Variants in SSBP2 observed in about 807,000 individuals in gnomAD.
The protein encoded by SSBP2 is single stranded DNA binding protein 2.
Under a neutral mutation model 61.8 loss-of-function variants are expected in SSBP2, and 17 were observed. The observed-to-expected ratio is 0.28, with a 90% CI of 0.19 to 0.41. SSBP2 has a LOEUF of 0.41. SSBP2 is among the 10% of genes least tolerant of loss of function. SSBP2 has a pLI of 1.00. For missense variants in SSBP2, 310 were observed against 458.7 expected, an observed-to-expected ratio of 0.68 and a Z score of 2.96; for synonymous variants, 139 against 141.3, an observed-to-expected ratio of 0.98 and a Z score of 0.12.
Position 81,514,300 on chromosome 5 carries a change from G to A in SSBP2, c.283-583C>T, listed in dbSNP as rs945874197. ...AAAGTAAATAAGGGATTGAATAGGA[G>A]AAATAAATTAGATTTGGAGAGAATA... On this transcript the variant is annotated intron_variant, in intron 4 of 16. Coordinates refer to ENST00000320672, the MANE Select transcript of SSBP2 (RefSeq NM_012446.5). Among the ~76,000 whole-genome samples the A allele has an allele frequency of 5.7e-4, 86 of 151,110 alleles. 1 individual carries two copies. Among genetic ancestry groups the A allele is most frequent in the Middle Eastern group, 3.4e-3 (1 of 292 alleles).
At chr5:81,623,701 G>A (rs1431204870) in intron 3 of SSBP2, among the ~76,000 whole-genome samples, 1 of 152,030 alleles carries the variant, frequency 6.6e-6, no homozygotes, top group Non-Finnish European at 1.5e-5. Context: ...TTGATTTATT[G>A]TTGGCGTATG....
chr5:81,479,570 G>A (rs1248627559), intron 6 of SSBP2, among the ~76,000 whole-genome samples: 2 of 151,976 alleles, frequency 1.3e-5, no homozygotes, highest in Non-Finnish European at 2.9e-5. Context: ...TCGGATTATA[G>A]GTGTGAGCCA....
intron 1 of SSBP2, among the ~76,000 whole-genome samples, chr5:81,712,269 C>T (rs1418660095): frequency 6.6e-6 from 1 of 151,744 alleles, no homozygotes; most frequent in Admixed American, 6.6e-5. Flanking sequence ...CTGGCTTATA[C>T]CCTCCAGCCA....
rs1435506713 is a variant in SSBP2 at position 81,538,395 on chromosome 5, G to T, written c.283-24678C>A. On this transcript the variant is annotated intron_variant, in intron 4 of 16. Transcript: ENST00000320672. ...TTCATGAAGTTTAAGGAAGGAAGCT[G>T]TCTTTAGAACAAAACGGTGCACAGT... Among the ~76,000 whole-genome samples, 5 of 152,254 alleles carry T rather than the reference G, an allele frequency of 3.3e-5. No individual in the cohort carries two copies. In the East Asian group the frequency reaches 9.7e-4, roughly 29 times the overall value.
At chr5:81,425,587 C>G (rs1761901100) in intron 16 of SSBP2, among the ~76,000 whole-genome samples, 1 of 152,168 alleles carries the variant, frequency 6.6e-6, no homozygotes, top group South Asian at 2.1e-4. Flanking sequence ...CTACTTTCTT[C>G]ACTTGAGAAG....
chr5:81,652,020 G>C (rs1247251186), intron 1 of SSBP2, among the ~76,000 whole-genome samples: 1 of 152,058 alleles, frequency 6.6e-6, no homozygotes, highest in African/African-American at 2.4e-5. Context: ...TAAACCCTAA[G>C]CCTAGAGCCA....
chr5:81,598,960 T>C (rs1367526049), intron 4 of SSBP2, among the ~76,000 whole-genome samples: 1 of 152,136 alleles, frequency 6.6e-6, no homozygotes, highest in African/African-American at 2.4e-5. Context: ...CTGTGAAAAA[T>C]GCAAAAAATC....
chr5:81,595,106 AAAG>A (rs1207027058), intron 4 of SSBP2, among the ~76,000 whole-genome samples: 3 of 152,348 alleles, frequency 2.0e-5, no homozygotes, highest in East Asian at 1.9e-4. Flanking sequence ...CAAGACTAAT[AAAG>A]AAGAAGAGAG....
intron 4 of SSBP2, among the ~76,000 whole-genome samples, chr5:81,606,415 C>G (rs1744883229): frequency 6.6e-6 from 1 of 152,130 alleles, no homozygotes; most frequent in Non-Finnish European, 1.5e-5. Context: ...AAGGAAACCA[C>G]AAGTTCTACC....
intron 1 of SSBP2, among the ~76,000 whole-genome samples, chr5:81,734,470 G>A (rs1296695303): frequency 2.0e-5 from 3 of 152,062 alleles, no homozygotes; most frequent in African/African-American, 7.2e-5. Context: ...CTTGTCAGAA[G>A]ACAAGCAAAA....
intron 4 of SSBP2, among the ~76,000 whole-genome samples, chr5:81,612,286 A>G (rs1268017446): frequency 6.6e-6 from 1 of 152,190 alleles, no homozygotes; most frequent in African/African-American, 2.4e-5. Context: ...AAGAAATGCT[A>G]AATGCCTGTG....
At chr5:81,426,185 C>T (rs773243546) in intron 16 of SSBP2, among the ~76,000 whole-genome samples, 7 of 152,160 alleles carry the variant, frequency 4.6e-5, no homozygotes, top group Non-Finnish European at 8.8e-5. Context: ...TTTTGTCTTT[C>T]TTCCTCTCTC....
chr5:81,645,288 T>G (rs1485821648), intron 2 of SSBP2, among the ~76,000 whole-genome samples: 1 of 152,168 alleles, frequency 6.6e-6, no homozygotes, highest in East Asian at 1.9e-4. Flanking sequence ...AATTAATATT[T>G]TCTCTCTTCA....
At chr5:81,733,277 T>C (rs1399095756) in intron 1 of SSBP2, among the ~76,000 whole-genome samples, 1 of 152,136 alleles carries the variant, frequency 6.6e-6, no homozygotes, top group Non-Finnish European at 1.5e-5. Context: ...ATCAGTTATA[T>C]TGACTAATAG....
chr5:81,508,309 C>T (rs1380697996), intron 5 of SSBP2, among the ~76,000 whole-genome samples: 4 of 152,142 alleles, frequency 2.6e-5, no homozygotes, highest in African/African-American at 9.7e-5. Flanking sequence ...AGTCATTCAT[C>T]AGTTCCATAG....
At chr5:81,656,160 A>C (rs1265456782) in intron 1 of SSBP2, among the ~76,000 whole-genome samples, 9 of 151,880 alleles carry the variant, frequency 5.9e-5, no homozygotes, top group Admixed American at 5.2e-4. Flanking sequence ...CAAGTGAATC[A>C]CCTACCTCAG....
chr5:81,616,833 C>G lies in SSBP2; in HGVS notation c.198-1276G>C, dbSNP rs541578999. Among the ~76,000 whole-genome samples the G allele has an allele frequency of 5.0e-4, 76 of 152,252 alleles. 2 individuals carry two copies. The East Asian group carries it at 0.013, about 26-fold the overall frequency. The stretch of plus-strand genomic sequence containing the variant: ...AGCCTAACTGGGAGGCACCCCCCAG[C>G]AGGGGCAGACTGACACCTCACACAG... On this transcript the variant is annotated intron_variant, in intron 3 of 16. Transcript: ENST00000320672.
intron 4 of SSBP2, among the ~76,000 whole-genome samples, chr5:81,603,345 GT>G (rs1335308339): frequency 6.6e-5 from 10 of 152,300 alleles, no homozygotes; most frequent in Non-Finnish European, 1.5e-4. Context: ...TGGTGACATG[GT>G]TTTAAGACAG....
intron 4 of SSBP2, among the ~76,000 whole-genome samples, chr5:81,577,887 CATT>C (rs941812124): frequency 5.9e-5 from 9 of 152,008 alleles, no homozygotes; most frequent in African/African-American, 1.7e-4. Flanking sequence ...TAGCGGCTAA[CATT>C]ATTAAGTGCT....
Sources: gnomAD v4.1 joint callset for allele counts (sites outside exome capture counted in the v4.1 genomes callset) on GRCh38, gnomAD v4.1.1 for gene constraint, MANE v1.5 for transcripts, NCBI Gene and HGNC (gene_info 2026-07-23, HGNC 2026-07-21) for gene names.